PPP1R1C: variants seen among roughly 807,000 people sequenced by gnomAD.
PPP1R1C encodes the protein protein phosphatase 1 regulatory subunit 1C.
Under a neutral mutation model 17.4 loss-of-function variants are expected in PPP1R1C, and 15 were observed. That is an observed-to-expected ratio of 0.86 (90% confidence interval 0.58 to 1.33). The LOEUF (loss-of-function observed/expected upper bound fraction) is 1.33, where lower values mean the gene tolerates loss of function less well. Among genes scored for constraint, PPP1R1C ranks in the 40% most tolerant of loss-of-function variants. The pLI is 0.00. For missense variants in PPP1R1C, 143 were observed against 130.0 expected (o/e 1.10, Z -0.48); for synonymous variants, 35 against 43.1 (o/e 0.81, Z 0.73).
chr2:182,012,749 A>AT, intron 2 of PPP1R1C, among the ~76,000 whole-genome samples: 1 of 151,878 alleles, frequency 6.6e-6, no homozygotes, highest in East Asian at 1.9e-4. Flanking sequence ...CTTGCTTTTT[A>AT]TTTTTTGCGT....
intron 4 of PPP1R1C, among the ~76,000 whole-genome samples, chr2:182,106,249 T>C (rs80089234): frequency 6.6e-6 from 1 of 152,330 alleles, no homozygotes; most frequent in Non-Finnish European, 1.5e-5. Flanking sequence ...CAGGCACTCC[T>C]GCTTTCAAGC....
rs887562628 is a variant in PPP1R1C, at chr2:182,126,163, A to AT, written c.*7-2804dup. On this transcript the variant is annotated intron_variant, in intron 5 of 5. Coordinates refer to the PPP1R1C transcript ENST00000280295. Reference sequence around the variant, plus strand: ...TTCATAAATAAACCATATATATTGTATTTTTTTAAAAGTCTTTATATGTTT... The same window carrying AT: ...TTCATAAATAAACCATATATATTGTATTTTTTTTAAAAGTCTTTATATGTTT... Among the ~76,000 whole-genome samples, 10 of 152,130 alleles carry AT rather than the reference A, an allele frequency of 6.6e-5. 1 individual carries two copies. Among genetic ancestry groups the AT allele is most frequent in the Admixed American group, 2.6e-4 (4 of 15,238 alleles).
intron 4 of PPP1R1C, among the ~76,000 whole-genome samples, chr2:182,100,444 A>G (rs1411853541): frequency 1.3e-5 from 2 of 148,502 alleles, no homozygotes; most frequent in East Asian, 4.3e-4. Context: ...TGGGAGGTGG[A>G]GGTTGCAGTG....
Position 181,962,421 on chromosome 2 carries a change from G to C in PPP1R1C, n.111+7787G>C. On this transcript the variant is annotated intron_variant and non_coding_transcript_variant, in intron 1 of 5. Coordinates refer to the PPP1R1C transcript ENST00000464264. The surrounding 1 kb of genome is among the most constrained non-coding windows in gnomAD (Gnocchi z 6.0). ...GGCCGGGCGCCGTAGTTGGACACCT[G>C]GACAGAGCCCAGGAACAGGTAGTTG... 1.4e-6 allele frequency: 1 copy of C among 713,802 alleles called. No homozygotes were observed. Among genetic ancestry groups the C allele is most frequent in the Non-Finnish European group, 2.6e-6 (1 of 390,038 alleles). 44.2% of individuals were successfully genotyped at this position (713,802 alleles called of 1,614,324 possible). A position where few individuals can be genotyped will look rare whatever the true frequency, so the allele number is the denominator to read the frequency against.
intron 4 of PPP1R1C, among the ~76,000 whole-genome samples, chr2:182,096,272 G>A (rs560172447): frequency 6.6e-6 from 1 of 152,120 alleles, no homozygotes; most frequent in Non-Finnish European, 1.5e-5. Flanking sequence ...GGTACAGGGT[G>A]GGACTTCTCT....
chr2:181,977,816 G>A (rs1022359394), intron 2 of PPP1R1C, among the ~76,000 whole-genome samples: 55 of 152,288 alleles, frequency 3.6e-4, no homozygotes, highest in African/African-American at 1.3e-3. Flanking sequence ...GCTGACTCAC[G>A]TGGCTGGGGA....
chr2:182,111,295 G>A (rs1306763166), intron 4 of PPP1R1C, among the ~76,000 whole-genome samples: 1 of 152,074 alleles, frequency 6.6e-6, no homozygotes, highest in African/African-American at 2.4e-5. Flanking sequence ...GGATGATGAA[G>A]AGAAAATCAT....
At chr2:182,002,539 T>C (rs561778019) in intron 2 of PPP1R1C, among the ~76,000 whole-genome samples, 2 of 152,210 alleles carry the variant, frequency 1.3e-5, no homozygotes, top group East Asian at 1.9e-4. Context: ...AAAATTATTA[T>C]GTAATAATGA....
chr2:182,037,535 C>T (rs894118416), intron 2 of PPP1R1C, among the ~76,000 whole-genome samples: 1 of 150,246 alleles, frequency 6.7e-6, no homozygotes, highest in Non-Finnish European at 1.5e-5. Context: ...TGCAGTGAGC[C>T]GAGATCACGC....
At chr2:182,012,026 T>A (rs1224739528) in intron 2 of PPP1R1C, among the ~76,000 whole-genome samples, 1 of 152,106 alleles carries the variant, frequency 6.6e-6, no homozygotes, top group East Asian at 1.9e-4. Flanking sequence ...ACTTGTTTTG[T>A]GGCCTAACAT....
chr2:181,998,374 T>C (rs1447080949), intron 2 of PPP1R1C, among the ~76,000 whole-genome samples: 1 of 152,252 alleles, frequency 6.6e-6, no homozygotes, highest in Non-Finnish European at 1.5e-5. Flanking sequence ...ATAATTGATT[T>C]GTCATAAGCT....
rs929803638 is a variant in PPP1R1C at position 182,061,461 on chromosome 2, G to A, written c.162G>A (p.Gly54=). The A allele has an allele frequency of 6.8e-7, 1 of 1,469,810 alleles. No homozygotes were observed. Among genetic ancestry groups the A allele is most frequent in the African/African-American group, 1.5e-5 (1 of 67,478 alleles). The allele number at this position is 1,469,810 out of a possible 1,614,324, so 91.0% of individuals were successfully genotyped here. A position where few individuals can be genotyped will look rare whatever the true frequency, so the allele number is the denominator to read the frequency against. ...TTACAGAAATAGATGACAAGAGGGG[G>A]CCCAACACACAAGGGGAAGTAAGTT... is the stretch of plus-strand genomic sequence containing the variant. ...HNPPEIDDKR[G]PNTQGELQNA... Residue 54 remains glycine, a synonymous_variant, in exon 3 of 5, where the codon GGG becomes GGA. Transcript: ENST00000682840.
upstream of PPP1R1C, among the ~76,000 whole-genome samples, chr2:181,982,171 A>G (rs552099163): frequency 4.6e-5 from 7 of 152,316 alleles, no homozygotes; most frequent in Non-Finnish European, 1.0e-4. Flanking sequence ...CTTCCCTCAA[A>G]GAAAGCACTT....
chr2:181,988,757 A>T (rs1685374489), intron 2 of PPP1R1C, among the ~76,000 whole-genome samples: 1 of 152,224 alleles, frequency 6.6e-6, no homozygotes, highest in South Asian at 2.1e-4. Context: ...CCAGGGTGAA[A>T]TAGTCCTTGA....
At chr2:182,093,815 C>T (rs1688855060) in intron 4 of PPP1R1C, among the ~76,000 whole-genome samples, 1 of 152,206 alleles carries the variant, frequency 6.6e-6, no homozygotes, top group Non-Finnish European at 1.5e-5. Flanking sequence ...ACATTATTGT[C>T]CATGTGACTT....
At chr2:182,085,353 T>C (rs550738005) in intron 4 of PPP1R1C, among the ~76,000 whole-genome samples, 2 of 152,266 alleles carry the variant, frequency 1.3e-5, no homozygotes, top group South Asian at 4.1e-4. Flanking sequence ...TACATCCATC[T>C]GTATACACAT....
intron 4 of PPP1R1C, among the ~76,000 whole-genome samples, chr2:182,066,504 C>T (rs553944899): frequency 9.9e-5 from 15 of 152,078 alleles, no homozygotes; most frequent in Admixed American, 5.9e-4. Flanking sequence ...CATTGATCCC[C>T]TTGTCACCAT....
chr2:181,964,596 A>T (rs1054804050), intron 1 of PPP1R1C, among the ~76,000 whole-genome samples: 1 of 152,146 alleles, frequency 6.6e-6, no homozygotes, highest in Non-Finnish European at 1.5e-5. Flanking sequence ...TGGGGTACAG[A>T]GTTTCCTGTT....
At chr2:182,064,984 C>T (rs184044649) in intron 4 of PPP1R1C, among the ~76,000 whole-genome samples, 2 of 152,060 alleles carry the variant, frequency 1.3e-5, no homozygotes, top group Non-Finnish European at 2.9e-5. Flanking sequence ...CTCATGTCCT[C>T]AGAGAATAAT....
Sources: allele counts gnomAD v4.1 joint callset (sites outside exome capture counted in the v4.1 genomes callset), GRCh38; gene constraint gnomAD v4.1.1; non-coding constraint Gnocchi (gnomAD v3.1); transcripts MANE v1.5; gene names NCBI Gene and HGNC (gene_info 2026-07-23, HGNC 2026-07-21).